Variants in DGKG observed in about 807,000 individuals in gnomAD.
DGKG encodes diacylglycerol kinase gamma, also known as DAG kinase gamma.
Under a neutral mutation model 105.3 loss-of-function variants are expected in DGKG, and 78 were observed. The observed-to-expected ratio is 0.74, with a 90% CI of 0.62 to 0.89. The LOEUF is 0.89. DGKG is among the 40% of genes least tolerant of loss of function. The probability of loss-of-function intolerance (pLI) is 0.00; values close to 1 mark genes in which losing one functional copy is unlikely to be tolerated. For missense variants in DGKG, 958 were observed against 1,020.1 expected, an observed-to-expected ratio of 0.94 and a Z score of 0.83; for synonymous variants, 346 against 367.1, an observed-to-expected ratio of 0.94 and a Z score of 0.66.
intron 1 of DGKG, among the ~76,000 whole-genome samples, chr3:186,331,609 C>T (rs1725605986): frequency 6.6e-6 from 1 of 152,076 alleles, no homozygotes; most frequent in African/African-American, 2.4e-5. Flanking sequence ...GAACCAAATG[C>T]CCAGGTGGGG....
At chr3:186,182,715 A>G (rs906520173) in intron 22 of DGKG, among the ~76,000 whole-genome samples, 22 of 151,236 alleles carry the variant, frequency 1.5e-4, no homozygotes, top group Non-Finnish European at 8.9e-5. Flanking sequence ...TTTTTTTTCT[A>G]AAGATTTTTC....
intron 14 of DGKG, among the ~76,000 whole-genome samples, chr3:186,263,135 A>AAAAC (rs113732220): frequency 0.026 from 3,848 of 149,826 alleles, 57 homozygotes; most frequent in Middle Eastern, 0.041. Flanking sequence ...TCGGAAAAGA[A>AAAAC]AAACAAACAA....
At chr3:186,221,167 T>C (rs149605830) in intron 20 of DGKG, among the ~76,000 whole-genome samples, 12 of 152,330 alleles carry the variant, frequency 7.9e-5, no homozygotes, top group African/African-American at 2.9e-4. Context: ...GAATGGCCAC[T>C]GTGCTGTGAA....
intron 1 of DGKG, among the ~76,000 whole-genome samples, chr3:186,357,992 CAT>C (rs1261956075): frequency 6.6e-6 from 1 of 152,218 alleles, no homozygotes; most frequent in African/African-American, 2.4e-5. Context: ...GAAATAGTCA[CAT>C]GTGAAAACAG....
Position 186,248,759 on chromosome 3 carries a change from C to G in DGKG, c.1761+3000G>C, listed in dbSNP as rs183318112. Among the ~76,000 whole-genome samples the G allele has an allele frequency of 8.5e-3, 1,302 of 152,306 alleles. 10 individuals are homozygous for G. Among genetic ancestry groups the G allele is most frequent in the Non-Finnish European group, 0.013 (892 of 68,030 alleles). ...AGGCACAAAGCTCAGTGGTCCACAG[C>G]TCAGTTGGCTCTAGAGTTCAAATAT... On this transcript the variant is annotated intron_variant, in intron 19 of 24. Transcript: ENST00000265022.
At chr3:186,350,040 T>C (rs1012937552) in intron 1 of DGKG, among the ~76,000 whole-genome samples, 12 of 152,026 alleles carry the variant, frequency 7.9e-5, no homozygotes, top group Non-Finnish European at 1.8e-4. Context: ...TGTGCCACCA[T>C]GCCTGGCTAA....
At chr3:186,251,990 T>C in intron 18 of DGKG, 71 bp from the exon 19 acceptor site, 1 of 1,451,124 alleles carries the variant, frequency 6.9e-7, no homozygotes, top group Non-Finnish European at 9.2e-7. Flanking sequence ...CAGGTAGTTG[T>C]CAGGGCAGGT....
intron 20 of DGKG, among the ~76,000 whole-genome samples, chr3:186,213,572 G>T (rs1719140079): frequency 6.6e-6 from 1 of 152,198 alleles, no homozygotes; most frequent in African/African-American, 2.4e-5. Flanking sequence ...CTCATCTTCA[G>T]TGCTGCTGGT....
rs114400617 is a variant in DGKG, at chr3:186,310,879, C to T, written c.68-3902G>A. 8.5e-3 allele frequency among the ~76,000 whole-genome samples: 1,299 copies of T among 152,292 alleles called. 18 individuals carry two copies. Among genetic ancestry groups the T allele is most frequent in the African/African-American group, 0.03 (1,228 of 41,546 alleles). ...TTTTATTTAAATCCCCACAACTACC[C>T]TCTAATGTAATAATTATCCTTATTT... On this transcript the variant is annotated intron_variant, in intron 2 of 24. Transcript: ENST00000265022.
intron 14 of DGKG, among the ~76,000 whole-genome samples, chr3:186,263,135 A>AAAATAAAC (rs1553809646): frequency 6.7e-6 from 1 of 149,748 alleles, no homozygotes; most frequent in Non-Finnish European, 1.5e-5. Context: ...TCGGAAAAGA[A>AAAATAAAC]AAACAAACAA....
chr3:186,197,296 CT>C (rs1401010214), intron 21 of DGKG, among the ~76,000 whole-genome samples: 1 of 152,070 alleles, frequency 6.6e-6, no homozygotes, highest in Non-Finnish European at 1.5e-5. Context: ...TTCTGATGGG[CT>C]GAGAGGGGCA....
intron 2 of DGKG, among the ~76,000 whole-genome samples, chr3:186,310,085 G>A (rs1230185513): frequency 2.0e-5 from 3 of 150,662 alleles, no homozygotes; most frequent in Non-Finnish European, 3.0e-5. Context: ...TGGCTAACAT[G>A]GTGAAACCCC....
At chr3:186,346,837 C>T (rs1196165150) in intron 1 of DGKG, among the ~76,000 whole-genome samples, 2 of 152,220 alleles carry the variant, frequency 1.3e-5, no homozygotes, top group East Asian at 1.9e-4. Flanking sequence ...ATGTCCATTC[C>T]ATCAAGCTCC....
At chr3:186,209,135 G>C (rs538201705) in intron 21 of DGKG, among the ~76,000 whole-genome samples, 8 of 114,632 alleles carry the variant, frequency 7.0e-5, no homozygotes, top group African/African-American at 2.8e-4. Context: ...GTCTTTCTCT[G>C]TCTTGCGCAG....
chr3:186,314,079 A>G (rs1047903987), intron 2 of DGKG, among the ~76,000 whole-genome samples: 1 of 152,186 alleles, frequency 6.6e-6, no homozygotes, highest in African/African-American at 2.4e-5. Flanking sequence ...TTCGAAAGAA[A>G]TATATTTCCT....
chr3:186,337,257 C>A (rs1196952778), intron 1 of DGKG, among the ~76,000 whole-genome samples: 2 of 151,908 alleles, frequency 1.3e-5, no homozygotes, highest in African/African-American at 4.8e-5. Context: ...ATTAAAAGAA[C>A]AATAAACAGT....
chr3:186,325,534 T>C (rs895405503), intron 1 of DGKG, among the ~76,000 whole-genome samples: 1 of 152,194 alleles, frequency 6.6e-6, no homozygotes, highest in African/African-American at 2.4e-5. Context: ...TCCACTAGTT[T>C]TAGCGTCCAC....
At chr3:186,209,088 C>CTTTTTTTTTTTTTTTTTTTT (rs1560096022) in intron 21 of DGKG, among the ~76,000 whole-genome samples, 3 of 124,888 alleles carry the variant, frequency 2.4e-5, no homozygotes, top group African/African-American at 1.0e-4. Context: ...CTTCAGTTTA[C>CTTTTTTTTTTTTTTTTTTTT]TCTTCTTTTT....
chr3:186,320,700 G>A lies in DGKG; in HGVS notation c.-241C>T. 1 of 474,916 alleles carries A rather than the reference G, an allele frequency of 2.1e-6. No homozygotes were observed. The highest frequency in any genetic ancestry group is 2.0e-5 in the African/African-American group (1 of 50,652). The allele number at this position is 474,916 out of a possible 1,614,324, so 29.4% of individuals were successfully genotyped here. A position where few individuals can be genotyped will look rare whatever the true frequency, so the allele number is the denominator to read the frequency against. On this transcript the variant is annotated 5_prime_UTR_variant, in exon 2 of 25. Coordinates refer to ENST00000265022, the MANE Select transcript of DGKG (RefSeq NM_001346.3). ...TATTCAAGGTAAATTCAGAAGTCCTGGCTCTTCCTAGATAGAAGCAGAAAA... is the reference window on the plus strand; with the variant it reads ...TATTCAAGGTAAATTCAGAAGTCCTAGCTCTTCCTAGATAGAAGCAGAAAA...
Sources: allele counts gnomAD v4.1 joint callset (sites outside exome capture counted in the v4.1 genomes callset), GRCh38; gene constraint gnomAD v4.1.1; transcripts MANE v1.5; gene names NCBI Gene and HGNC (gene_info 2026-07-23, HGNC 2026-07-21).